CUL3: variants seen among roughly 807,000 people sequenced by gnomAD.
The protein encoded by CUL3 is cullin 3, also known as cullin-3.
Under a neutral mutation model 89.1 loss-of-function variants are expected in CUL3, and 19 were observed. The observed-to-expected ratio is 0.21, with a 90% CI of 0.15 to 0.31. The LOEUF is 0.31. Among genes scored for constraint, CUL3 ranks in the 10% least tolerant of loss-of-function variants. The pLI is 1.00. For missense variants in CUL3, 469 were observed against 942.3 expected (o/e 0.50, Z 6.58); for synonymous variants, 351 against 308.4 (o/e 1.14, Z -1.45).
chr2:224,546,667 T>G (rs13031532), intron 2 of CUL3, among the ~76,000 whole-genome samples: 8,416 of 150,116 alleles, frequency 0.056, 286 homozygotes, highest in African/African-American at 0.088. Flanking sequence ...AGAAATAGGA[T>G]GGGGGGGGGT....
At chr2:224,584,114 G>A (rs912276202) in intron 1 of CUL3, among the ~76,000 whole-genome samples, 4 of 152,086 alleles carry the variant, frequency 2.6e-5, no homozygotes, top group Non-Finnish European at 4.4e-5. Flanking sequence ...CATCGCAAGG[G>A]TACGACTCAA....
At chr2:224,582,337 A>G (rs1283151365) in intron 1 of CUL3, among the ~76,000 whole-genome samples, 4 of 152,214 alleles carry the variant, frequency 2.6e-5, no homozygotes, top group Non-Finnish European at 4.4e-5. Context: ...TGTAGTTATG[A>G]ACAAGACTGC....
intron 1 of CUL3, among the ~76,000 whole-genome samples, chr2:224,578,004 T>C (rs770132999): frequency 3.3e-5 from 5 of 152,172 alleles, no homozygotes; most frequent in Admixed American, 2.0e-4. Context: ...GAACAGATAA[T>C]AGTAGTATTC....
intron 3 of CUL3, among the ~76,000 whole-genome samples, chr2:224,524,974 T>C (rs1693414204): frequency 7.1e-6 from 1 of 140,914 alleles, no homozygotes; most frequent in African/African-American, 2.7e-5. Flanking sequence ...AATAAGCTAA[T>C]GGGGGTGGGG....
chr2:224,496,033 G>A, intron 12 of CUL3, 67 bp from the exon 13 acceptor site: 10 of 1,500,392 alleles, frequency 6.7e-6, no homozygotes, highest in Non-Finnish European at 8.3e-6. Flanking sequence ...ATGTATGTAT[G>A]TACGTACATA....
At chr2:224,476,249 G>A (rs771203636) in intron 15 of CUL3, among the ~76,000 whole-genome samples, 3 of 151,942 alleles carry the variant, frequency 2.0e-5, no homozygotes, top group Admixed American at 6.6e-5. Flanking sequence ...ACTCCTGACC[G>A]CAGGTGATCC....
intron 1 of CUL3, among the ~76,000 whole-genome samples, chr2:224,578,089 T>C (rs939398267): frequency 1.3e-5 from 2 of 152,208 alleles, no homozygotes; most frequent in Admixed American, 6.5e-5. Flanking sequence ...TTAGCTATTA[T>C]TATTACCCTT....
At chr2:224,526,026 T>TC (rs752235994) in intron 3 of CUL3, among the ~76,000 whole-genome samples, 22 of 152,180 alleles carry the variant, frequency 1.4e-4, no homozygotes, top group Non-Finnish European at 2.6e-4. Context: ...GCCTGCCTCT[T>TC]CCAGGAGAGA....
chr2:224,583,057 T>G (rs1695479250), intron 1 of CUL3, among the ~76,000 whole-genome samples: 1 of 152,174 alleles, frequency 6.6e-6, no homozygotes, highest in Admixed American at 6.5e-5. Flanking sequence ...AATTGAGTAG[T>G]GTAAGGCTGC....
At chr2:224,551,275 G>A (rs1487971193) in intron 2 of CUL3, among the ~76,000 whole-genome samples, 8 of 148,616 alleles carry the variant, frequency 5.4e-5, no homozygotes, top group South Asian at 2.1e-4. Context: ...GTGTGATCAC[G>A]GCTCACTGCA....
intron 14 of CUL3, chr2:224,479,779 T>C (rs1340069964): frequency 1.3e-5 from 2 of 152,190 alleles, no homozygotes; most frequent in African/African-American, 4.8e-5. Flanking sequence ...TTGATATTCA[T>C]TATAGTGCTT....
intron 1 of CUL3, among the ~76,000 whole-genome samples, chr2:224,580,934 T>A (rs1695421201): frequency 6.6e-6 from 1 of 151,558 alleles, no homozygotes; most frequent in African/African-American, 2.4e-5. Flanking sequence ...GGCTGGGGAA[T>A]GAAAGAAATG....
intron 2 of CUL3, among the ~76,000 whole-genome samples, chr2:224,548,976 T>C (rs544794306): frequency 6.6e-6 from 1 of 151,908 alleles, no homozygotes; most frequent in East Asian, 1.9e-4. Context: ...TACTCCAGCC[T>C]GGGAAACACA....
At chr2:224,561,737 C>T (rs560004247) in intron 1 of CUL3, among the ~76,000 whole-genome samples, 211 of 152,272 alleles carry the variant, frequency 1.4e-3, no homozygotes, top group African/African-American at 4.8e-3. Context: ...ATAAAATGTA[C>T]TGATGCGGCT....
At chr2:224,536,106 C>T (rs1003644025) in intron 2 of CUL3, among the ~76,000 whole-genome samples, 3 of 152,204 alleles carry the variant, frequency 2.0e-5, no homozygotes, top group Admixed American at 2.0e-4. Context: ...AATATTTAAC[C>T]TCTGTGCCTC....
chr2:224,502,938 T>G, intron 10 of CUL3, 27 bp downstream of exon 10: 2 of 1,502,196 alleles, frequency 1.3e-6, no homozygotes, highest in South Asian at 2.3e-5. Context: ...CATGAATATC[T>G]AAGTAGAAAT....
intron 1 of CUL3, among the ~76,000 whole-genome samples, chr2:224,583,680 G>C (rs1695497310): frequency 6.6e-6 from 1 of 152,180 alleles, no homozygotes; most frequent in African/African-American, 2.4e-5. Context: ...TAGTATTTAT[G>C]TTCTTACAAT....
intron 11 of CUL3, chr2:224,499,274 T>C (rs576735926): frequency 6.4e-6 from 1 of 157,050 alleles, no homozygotes; most frequent in African/African-American, 2.4e-5. Context: ...AATGAATTTT[T>C]TGTAGTAAGA....
intron 1 of CUL3, among the ~76,000 whole-genome samples, chr2:224,577,682 CAT>C (rs1477506089): frequency 3.9e-5 from 6 of 152,034 alleles, no homozygotes; most frequent in Admixed American, 6.6e-5. Context: ...TCCCTATATT[CAT>C]ATGTTGAATA....
Sources: gnomAD v4.1 joint callset for allele counts (sites outside exome capture counted in the v4.1 genomes callset) on GRCh38, gnomAD v4.1.1 for gene constraint, MANE v1.5 for transcripts, NCBI Gene and HGNC (gene_info 2026-07-23, HGNC 2026-07-21) for gene names.